Variants in CNGA3 observed in about 807,000 individuals in gnomAD.
CNGA3 encodes cyclic nucleotide-gated channel alpha-3.
In CNGA3, 42 loss-of-function variants were observed where a neutral mutation model predicts 46.6. That is an observed-to-expected ratio of 0.90 (90% CI 0.70 to 1.17). CNGA3 has a LOEUF of 1.17. Among genes scored for constraint, CNGA3 ranks in the 50% most tolerant of loss-of-function variants. CNGA3 has a pLI of 0.00. For synonymous variants in CNGA3, 394 were observed against 369.4 expected, an observed-to-expected ratio of 1.07 and a Z score of -0.76; for missense variants, 893 against 890.7, an observed-to-expected ratio of 1.00 and a Z score of -0.03.
chr2:98,369,021 G>T (rs1692226541), intron 1 of CNGA3, among the ~76,000 whole-genome samples: 2 of 152,196 alleles, frequency 1.3e-5, no homozygotes, highest in Admixed American at 1.3e-4. Context: ...ACGACCTCTG[G>T]AATAATGGCT....
chr2:98,352,403 A>C (rs1009048623), intron 1 of CNGA3, among the ~76,000 whole-genome samples: 2 of 152,178 alleles, frequency 1.3e-5, no homozygotes, highest in Non-Finnish European at 2.9e-5. Flanking sequence ...TAAGCTTAGC[A>C]GTGGAATTCC....
chr2:98,370,077 GTAAGATGGGC>G lies in CNGA3; in HGVS notation c.101+13_101+22del. On this transcript the variant is annotated splice_donor_variant and splice_donor_5th_base_variant and intron_variant, in intron 2 of 7. Transcript: ENST00000272602. LOFTEE classifies it high-confidence loss of function. ...ATCGCGCTGAAAATGGCCTCAGCAG[GTAAGATGGGC>G]TAAGATGGGCTTTTCATTTTATGCC... 1 of 1,608,636 alleles carries G rather than the reference GTAAGATGGGC, an allele frequency of 6.2e-7. No individual in the cohort carries two copies. Among genetic ancestry groups the G allele is most frequent in the Non-Finnish European group, 8.5e-7 (1 of 1,175,390 alleles).
At chr2:98,382,673 G>GAT (rs1465143202) in intron 4 of CNGA3, among the ~76,000 whole-genome samples, 1 of 152,212 alleles carries the variant, frequency 6.6e-6, no homozygotes, top group African/African-American at 2.4e-5. Flanking sequence ...GGCGGTCAGA[G>GAT]ATAATACCTT....
intron 1 of CNGA3, among the ~76,000 whole-genome samples, chr2:98,359,283 C>T (rs779205552): frequency 5.3e-5 from 8 of 152,156 alleles, no homozygotes; most frequent in African/African-American, 7.2e-5. Flanking sequence ...TGTATCAGAA[C>T]GGTGATGTGG....
chr2:98,369,793 TGCA>T, intron 1 of CNGA3, 143 bp from the exon 2 acceptor site: 1 of 624,258 alleles, frequency 1.6e-6, no homozygotes, highest in East Asian at 2.7e-5. Context: ...TAAAACTCAC[TGCA>T]GCAGGAACTA....
chr2:98,391,892 T>G lies in CNGA3; in HGVS notation c.595T>G (p.Tyr199Asp). The G allele has an allele frequency of 6.2e-7, 1 of 1,614,170 alleles. No individual in the cohort carries two copies. Among genetic ancestry groups the G allele is most frequent in the Non-Finnish European group, 8.5e-7 (1 of 1,180,016 alleles). Residue 199 changes from tyrosine (Y) to aspartate (D), a missense_variant, in exon 7 of 8, where the codon TAC (tyrosine) becomes GAC (aspartate). Tyr to Asp is a radical substitution (Grantham distance 160). This residue lies in a region of CNGA3 where 333 missense variants were observed against 290.8 expected (regional missense o/e 1.15). Transcript: ENST00000272602. The part of the protein sequence containing the change: ...RACFDELQSE[Y>D]LMLWLVLDYS... The stretch of plus-strand genomic sequence containing the variant: ...CTGTTTCGATGAGCTGCAGTCCGAG[T>G]ACCTGATGCTGTGGCTGGTCCTGGA...
chr2:98,359,566 C>T (rs894409276), intron 1 of CNGA3, among the ~76,000 whole-genome samples: 5 of 152,170 alleles, frequency 3.3e-5, no homozygotes, highest in South Asian at 2.1e-4. Flanking sequence ...AGGTTCAAAC[C>T]GAGAGTACTC....
chr2:98,357,996 C>A (rs1407297231), intron 1 of CNGA3, among the ~76,000 whole-genome samples: 1 of 152,228 alleles, frequency 6.6e-6, no homozygotes, highest in Non-Finnish European at 1.5e-5. Flanking sequence ...ACTATTCCCT[C>A]TTGGGGTTAC....
At chr2:98,369,659 CATTTATTT>C (rs983767685) in intron 1 of CNGA3, among the ~76,000 whole-genome samples, 4 of 152,214 alleles carry the variant, frequency 2.6e-5, no homozygotes, top group African/African-American at 9.6e-5. Flanking sequence ...CTTGGCCCTT[CATTTATTT>C]ATTCATTCAC....
chr2:98,383,874 T>C (rs1433016879), intron 5 of CNGA3, among the ~76,000 whole-genome samples: 4 of 152,018 alleles, frequency 2.6e-5, no homozygotes, highest in African/African-American at 7.3e-5. Context: ...TTTTTGCTGC[T>C]GTTGTTATTG....
chr2:98,351,614 G>A (rs1226397472), intron 1 of CNGA3, among the ~76,000 whole-genome samples: 1 of 151,918 alleles, frequency 6.6e-6, no homozygotes, highest in Non-Finnish European at 1.5e-5. Context: ...CTAATACAGG[G>A]GATAAGAATA....
chr2:98,376,947 GC>G (rs1259211472), intron 2 of CNGA3, among the ~76,000 whole-genome samples: 2 of 152,182 alleles, frequency 1.3e-5, no homozygotes, highest in African/African-American at 4.8e-5. Context: ...GGAGTTACGG[GC>G]ACCTGTCCTT....
In CNGA3 at chr2:98,376,516, C is replaced by T. The variant is rs138299653; in HGVS notation, c.102-1171C>T. Among the ~76,000 whole-genome samples the T allele has an allele frequency of 6.7e-3, 1,013 of 152,222 alleles. 6 individuals carry two copies. Among genetic ancestry groups the T allele is most frequent in the African/African-American group, 0.023 (949 of 41,524 alleles). ...GTGGGCAGGTGGCGCAGTCAAGAGA[C>T]AGCCCAGGCAGACCGGGGCATGGGA... On this transcript the variant is annotated intron_variant, in intron 2 of 7. Coordinates refer to ENST00000272602, the MANE Select transcript of CNGA3 (RefSeq NM_001298.3).
At chr2:98,378,101 A>G in intron 3 of CNGA3, 2 of 1,550,914 alleles carry the variant, frequency 1.3e-6, no homozygotes, top group South Asian at 2.4e-5. Context: ...GAAGGTGGTA[A>G]GAGCAGCCAG....
intron 5 of CNGA3, among the ~76,000 whole-genome samples, chr2:98,388,319 A>T (rs1297193297): frequency 6.6e-6 from 1 of 152,228 alleles, no homozygotes; most frequent in Non-Finnish European, 1.5e-5. Flanking sequence ...AAGCTACCTA[A>T]AACACGAGGA....
At chr2:98,378,479 T>G (rs1338738007) in intron 3 of CNGA3, among the ~76,000 whole-genome samples, 1 of 152,328 alleles carries the variant, frequency 6.6e-6, no homozygotes, top group East Asian at 1.9e-4. Flanking sequence ...CACCACGTGG[T>G]TTTTTCCAAT....
At chr2:98,355,859 T>C (rs1471351396) in intron 1 of CNGA3, 2 of 152,250 alleles carry the variant, frequency 1.3e-5, no homozygotes, top group Non-Finnish European at 2.9e-5. Flanking sequence ...CTCTCCTTCC[T>C]CTCAGGCCAG....
intron 7 of CNGA3, among the ~76,000 whole-genome samples, chr2:98,393,021 C>T (rs1472649039): frequency 1.3e-5 from 2 of 152,164 alleles, no homozygotes; most frequent in Non-Finnish European, 2.9e-5. Context: ...AATCCCAGCA[C>T]TTTGGGAGGC....
intron 2 of CNGA3, among the ~76,000 whole-genome samples, chr2:98,373,957 G>T (rs944189620): frequency 8.5e-5 from 13 of 152,176 alleles, no homozygotes; most frequent in Non-Finnish European, 1.8e-4. Context: ...AGGACCAAAG[G>T]CTTAAAAATG....
Sources: allele counts gnomAD v4.1 joint callset (sites outside exome capture counted in the v4.1 genomes callset), GRCh38; gene constraint gnomAD v4.1.1; regional missense constraint gnomAD v4.1.1; transcripts MANE v1.5; gene names NCBI Gene and HGNC (gene_info 2026-07-23, HGNC 2026-07-21).